WBP1L: variants seen among roughly 807,000 people sequenced by gnomAD.
WBP1L encodes the protein WW domain binding protein 1-like.
A neutral mutation model predicts 33.7 loss-of-function variants in WBP1L; 17 were observed. The ratio of observed to expected loss-of-function variants is 0.50; its 90% CI spans 0.34 to 0.76. The LOEUF (loss-of-function observed/expected upper bound fraction) is 0.76. Ranked by LOEUF, WBP1L falls within the 30% of genes least tolerant of loss-of-function variation. The pLI is 0.01. For synonymous variants in WBP1L, 173 were observed against 190.8 expected (o/e 0.91, Z 0.77); for missense variants, 389 against 469.4 (o/e 0.83, Z 1.58).
chr10:102,803,701 C>G (rs1408276030), intron 2 of WBP1L, among the ~76,000 whole-genome samples: 1 of 151,652 alleles, frequency 6.6e-6, no homozygotes, highest in Non-Finnish European at 1.5e-5. Flanking sequence ...CTCCGCCTCC[C>G]AGGTTCACGC....
rs962892890 is a variant in WBP1L, at chr10:102,764,695, T to C, written c.90+20552T>C. On this transcript the variant is annotated intron_variant, in intron 1 of 3. Transcript: ENST00000448841. Reference sequence around the variant, plus strand: ...TTGGAGGGATAAATTGTCCTAATGTTTTCTTCTGGTGTTTTTAACCATGAA... The same window carrying C: ...TTGGAGGGATAAATTGTCCTAATGTCTTCTTCTGGTGTTTTTAACCATGAA... 2.0e-5 allele frequency among the ~76,000 whole-genome samples: 3 copies of C among 152,324 alleles called. No individual in the cohort carries two copies. In the East Asian group the frequency reaches 5.8e-4, roughly 29 times the overall value.
chr10:102,776,428 C>T lies in WBP1L; in HGVS notation c.91-21565C>T, dbSNP rs115816326. ...TTGGGTCTTAGACAGGTAATTGTTT[C>T]TGCACGGATCGGGTTTGGAAGGGAA... On this transcript the variant is annotated intron_variant, in intron 1 of 3. Coordinates refer to ENST00000448841, the MANE Select transcript of WBP1L (RefSeq NM_001083913.2). The T allele has an allele frequency of 6.2e-4, 1,007 of 1,614,138 alleles. 4 individuals carry two copies. The African/African-American group carries it at 0.012, about 20-fold the overall frequency.
chr10:102,780,299 A>G lies in WBP1L; in HGVS notation c.91-17694A>G, dbSNP rs114307615. Among the ~76,000 whole-genome samples the G allele has an allele frequency of 7.3e-3, 1,105 of 152,338 alleles. 21 individuals carry two copies. Among genetic ancestry groups the G allele is most frequent in the African/African-American group, 0.026 (1,069 of 41,572 alleles). On this transcript the variant is annotated intron_variant, in intron 1 of 3. Transcript: ENST00000448841. ...TGGTGAACTTTTTGGGTATGGCACT[A>G]TATACCAAATTTTAGATATAACAAA... is the stretch of plus-strand genomic sequence containing the variant.
At chr10:102,764,503 G>C (rs369472599) in intron 1 of WBP1L, among the ~76,000 whole-genome samples, 27 of 152,162 alleles carry the variant, frequency 1.8e-4, no homozygotes, top group African/African-American at 5.1e-4. Context: ...CTGTGGCCTG[G>C]AAGTGCAGGG....
At position 102,744,180 on chromosome 10, in the gene WBP1L, T is replaced by C. The variant is rs1346961585; in HGVS notation, c.90+37T>C. On this transcript the variant is annotated intron_variant, in intron 1 of 3. Coordinates refer to ENST00000448841, the MANE Select transcript of WBP1L (RefSeq NM_001083913.2). Reference sequence around the variant, plus strand: ...GGGGCGTCTGGGCCATGTTGGGTCCTGGGGGTCGTCGAGGCCTGGCTGGAG... The same window carrying C: ...GGGGCGTCTGGGCCATGTTGGGTCCCGGGGGTCGTCGAGGCCTGGCTGGAG... The C allele has an allele frequency of 5.2e-6, 8 of 1,526,256 alleles. No individual in the cohort carries two copies. The Admixed American group carries it at 1.4e-4, about 27-fold the overall frequency. 94.5% of individuals were successfully genotyped at this position (1,526,256 alleles called of 1,614,324 possible).
intron 1 of WBP1L, among the ~76,000 whole-genome samples, chr10:102,783,362 A>G (rs1843364428): frequency 6.6e-6 from 1 of 152,124 alleles, no homozygotes; most frequent in Non-Finnish European, 1.5e-5. Flanking sequence ...TGCTTGTACC[A>G]TGTAGCTAAG....
chr10:102,784,642 G>A (rs1274571914), intron 1 of WBP1L, among the ~76,000 whole-genome samples: 1 of 151,778 alleles, frequency 6.6e-6, no homozygotes, highest in Non-Finnish European at 1.5e-5. Context: ...AGCCAGGATG[G>A]TCTCGACCTC....
chr10:102,756,476 C>G (rs1842978059), intron 1 of WBP1L, among the ~76,000 whole-genome samples: 1 of 151,892 alleles, frequency 6.6e-6, no homozygotes, highest in Admixed American at 6.6e-5. Flanking sequence ...TTTTTTTAAC[C>G]TTAATATACT....
chr10:102,749,840 C>CA (rs1401096811), intron 1 of WBP1L, among the ~76,000 whole-genome samples: 2 of 151,542 alleles, frequency 1.3e-5, no homozygotes, highest in African/African-American at 2.4e-5. Flanking sequence ...TGCAATGGTG[C>CA]AGTCTTGGCT....
At chr10:102,778,387 A>C (rs1218370748) in intron 1 of WBP1L, among the ~76,000 whole-genome samples, 1 of 152,158 alleles carries the variant, frequency 6.6e-6, no homozygotes, top group Non-Finnish European at 1.5e-5. Flanking sequence ...TGTTAATCTT[A>C]TATACTGAGG....
intron 2 of WBP1L, among the ~76,000 whole-genome samples, chr10:102,809,665 T>C (rs979851142): frequency 6.6e-6 from 1 of 152,224 alleles, no homozygotes; most frequent in African/African-American, 2.4e-5. Context: ...CCCGGCCTGT[T>C]GTCATCATTC....
At chr10:102,784,636 A>G (rs545364452) in intron 1 of WBP1L, among the ~76,000 whole-genome samples, 1 of 152,024 alleles carries the variant, frequency 6.6e-6, no homozygotes, top group Non-Finnish European at 1.5e-5. Flanking sequence ...CGTGTTAGCC[A>G]GGATGGTCTC....
At chr10:102,757,887 C>CCCCTT (rs1491483676) in intron 1 of WBP1L, among the ~76,000 whole-genome samples, 6 of 25,362 alleles carry the variant, frequency 2.4e-4, no homozygotes, top group African/African-American at 3.4e-4. Context: ...CCCCCCCCCC[C>CCCCTT]TTTTTTTTTT....
At chr10:102,784,335 C>T (rs531170873) in intron 1 of WBP1L, among the ~76,000 whole-genome samples, 1 of 151,980 alleles carries the variant, frequency 6.6e-6, no homozygotes, top group Non-Finnish European at 1.5e-5. Flanking sequence ...CATACTAACA[C>T]CCCCACTCCC....
chr10:102,777,790 C>G (rs1385337373), intron 1 of WBP1L, among the ~76,000 whole-genome samples: 1 of 152,104 alleles, frequency 6.6e-6, no homozygotes, highest in African/African-American at 2.4e-5. Context: ...GTCTCGAACT[C>G]CTGACCTCCG....
At chr10:102,755,220 T>C (rs1387603182) in intron 1 of WBP1L, among the ~76,000 whole-genome samples, 1 of 151,992 alleles carries the variant, frequency 6.6e-6, no homozygotes, top group Non-Finnish European at 1.5e-5. Flanking sequence ...GTGCTGGGAT[T>C]ACAGGTGTGA....
In WBP1L at chr10:102,754,876, G is replaced by A. The variant is rs1842957321; in HGVS notation, c.90+10733G>A. Among the ~76,000 whole-genome samples, 3 of 140,508 alleles carry A rather than the reference G, an allele frequency of 2.1e-5. No individual in the cohort carries two copies. In the Admixed American group the frequency reaches 2.2e-4, roughly 10 times the overall value. 92.2% of individuals were successfully genotyped at this position (140,508 alleles called of 152,430 possible). ...CACACTACAGTGTCCAGCTAATTTT[G>A]TTTTATTTATTTATTTATTTATTTA... On this transcript the variant is annotated intron_variant, in intron 1 of 3. Coordinates refer to ENST00000448841, the MANE Select transcript of WBP1L (RefSeq NM_001083913.2).
intron 2 of WBP1L, among the ~76,000 whole-genome samples, chr10:102,807,286 A>G (rs1474251344): frequency 2.8e-5 from 4 of 142,840 alleles, no homozygotes; most frequent in South Asian, 4.4e-4. Context: ...TCTTAGAAAA[A>G]TTAGGAAATA....
chr10:102,798,739 A>G (rs1159185131), intron 2 of WBP1L, among the ~76,000 whole-genome samples: 3 of 152,198 alleles, frequency 2.0e-5, no homozygotes, highest in African/African-American at 7.2e-5. Context: ...CTGTTTTTGC[A>G]GAGAGAGGTT....
Sources: allele counts gnomAD v4.1 joint callset (sites outside exome capture counted in the v4.1 genomes callset), GRCh38; gene constraint gnomAD v4.1.1; transcripts MANE v1.5; gene names NCBI Gene and HGNC (gene_info 2026-07-23, HGNC 2026-07-21).